The following LMAN2L variants were observed in gnomAD, a reference collection of about 807,000 sequenced individuals.
LMAN2L encodes VIP36-like protein.
Under a neutral mutation model 44.3 loss-of-function variants are expected in LMAN2L, and 30 were observed. The observed-to-expected ratio is 0.68, with a 90% CI of 0.51 to 0.92. The LOEUF (loss-of-function observed/expected upper bound fraction) is 0.92. Ranked by LOEUF, LMAN2L falls within the 40% of genes least tolerant of loss-of-function variation. LMAN2L has a pLI of 0.00. For missense variants in LMAN2L, 429 were observed against 446.1 expected (o/e 0.96, Z 0.35); for synonymous variants, 183 against 171.1 (o/e 1.07, Z -0.54).
chr2:96,718,922 G>A (rs114521547), intron 4 of LMAN2L, among the ~76,000 whole-genome samples: 28 of 152,136 alleles, frequency 1.8e-4, no homozygotes, highest in Non-Finnish European at 3.4e-4. Flanking sequence ...ATATCATCAC[G>A]CTCTCTTAAG....
chr2:96,721,101 T>C (rs2078144280), intron 4 of LMAN2L, among the ~76,000 whole-genome samples: 2 of 151,922 alleles, frequency 1.3e-5, no homozygotes, highest in Admixed American at 6.6e-5. Flanking sequence ...AAAAAAAATC[T>C]CATGCCCACT....
chr2:96,732,166 T>G (rs1269504841), intron 4 of LMAN2L, among the ~76,000 whole-genome samples: 1 of 151,530 alleles, frequency 6.6e-6, no homozygotes, highest in African/African-American at 2.4e-5. Context: ...TAATGTTTTT[T>G]AAGTTTGAAA....
Position 96,737,983 on chromosome 2 carries a change from A to G in LMAN2L, c.272T>C (p.Met91Thr), listed in dbSNP as rs777455138. 7.4e-6 allele frequency: 12 copies of G among 1,613,828 alleles called. No homozygotes were observed. The East Asian group carries it at 1.1e-4, about 15-fold the overall frequency. The change falls in exon 2 of 8, where the codon ATG becomes ACG. Residue 91 changes from methionine (M) to threonine (T), a missense_variant. Met to Thr is a moderately conservative substitution (Grantham distance 81). Coordinates refer to ENST00000264963, the MANE Select transcript of LMAN2L (RefSeq NM_030805.4). The part of the protein sequence containing the change: ...MTQYIRLTPD[M>T]QSKQGALWNR... Reference sequence around the variant, plus strand: ...CCACAAGGCACCCTGTTTACTTTGCATATCTGGGGTAAGGCGGATATACTG... The same window carrying G: ...CCACAAGGCACCCTGTTTACTTTGCGTATCTGGGGTAAGGCGGATATACTG...
At chr2:96,725,113 G>A (rs1237295129) in intron 4 of LMAN2L, among the ~76,000 whole-genome samples, 2 of 151,874 alleles carry the variant, frequency 1.3e-5, no homozygotes, top group Non-Finnish European at 2.9e-5. Flanking sequence ...TTACAGGCGT[G>A]AGCCACAGCG....
intron 4 of LMAN2L, 97 bp downstream of exon 4, chr2:96,733,422 C>A: frequency 1.2e-6 from 1 of 861,970 alleles, no homozygotes; most frequent in Non-Finnish European, 1.9e-6. Flanking sequence ...AAGAACCCCT[C>A]ACTTTCTATC....
Position 96,707,160 on chromosome 2 carries a change from A to T in LMAN2L, c.*96T>A, listed in dbSNP as rs1354741975. On this transcript the variant is annotated 3_prime_UTR_variant, in exon 8 of 8. Coordinates refer to ENST00000264963, the MANE Select transcript of LMAN2L (RefSeq NM_030805.4). ...AATATAGTCCCCAACCAGCTGCTAG[A>T]GACAAGAACACTCTCCAGGCTGCAT... The T allele has an allele frequency of 8.3e-7, 1 of 1,204,106 alleles. No homozygotes were observed. Among genetic ancestry groups the T allele is most frequent in the Admixed American group, 2.3e-5 (1 of 44,348 alleles). 74.6% of individuals were successfully genotyped at this position (1,204,106 alleles called of 1,614,324 possible). A position where few individuals can be genotyped will look rare whatever the true frequency, so the allele number is the denominator to read the frequency against.
intron 6 of LMAN2L, among the ~76,000 whole-genome samples, chr2:96,708,908 CTTTTTTT>C (rs140328524): frequency 1.1e-5 from 1 of 89,248 alleles, no homozygotes; most frequent in Non-Finnish European, 2.1e-5. Context: ...TGAAGTTAGA[CTTTTTTT>C]TTTTTTTTTT....
chr2:96,738,095 A>T, intron 1 of LMAN2L, 28 bp from the exon 2 acceptor site: 1 of 1,463,532 alleles, frequency 6.8e-7, no homozygotes, highest in Non-Finnish European at 9.6e-7. Flanking sequence ...ATCAGTTCAT[A>T]CTTTTCAACA....
chr2:96,709,369 C>G (rs1331669545), intron 6 of LMAN2L, among the ~76,000 whole-genome samples: 1 of 152,188 alleles, frequency 6.6e-6, no homozygotes, highest in Non-Finnish European at 1.5e-5. Context: ...AGATTTCCTA[C>G]CTCAAACCCT....
chr2:96,738,194 T>C, intron 1 of LMAN2L, 127 bp from the exon 2 acceptor site: 3 of 647,532 alleles, frequency 4.6e-6, no homozygotes, highest in Non-Finnish European at 8.2e-6. Context: ...ATCTCCTATC[T>C]TCTCTCAGTC....
intron 1 of LMAN2L, 110 bp downstream of exon 1, chr2:96,739,744 C>G: frequency 8.8e-7 from 1 of 1,140,944 alleles, no homozygotes; most frequent in Middle Eastern, 2.8e-4. Context: ...CCCACCACCG[C>G]CAGCAGTTTC....
chr2:96,710,657 CAT>C (rs1274275005), intron 6 of LMAN2L, among the ~76,000 whole-genome samples: 1 of 138,046 alleles, frequency 7.2e-6, no homozygotes, highest in African/African-American at 2.5e-5. Flanking sequence ...AGCGAGACTC[CAT>C]ATATATATAT....
intron 3 of LMAN2L, among the ~76,000 whole-genome samples, chr2:96,734,027 G>A (rs1488307678): frequency 6.6e-6 from 1 of 152,188 alleles, no homozygotes; most frequent in African/African-American, 2.4e-5. Flanking sequence ...AGCAATAATA[G>A]CTCTAACACA....
chr2:96,738,633 C>T (rs771153708), intron 1 of LMAN2L, among the ~76,000 whole-genome samples: 3 of 152,158 alleles, frequency 2.0e-5, no homozygotes, highest in Admixed American at 6.6e-5. Context: ...CATGATTGTG[C>T]CACTGCACTC....
At chr2:96,718,059 G>A (rs1232615420) in intron 4 of LMAN2L, among the ~76,000 whole-genome samples, 3 of 151,858 alleles carry the variant, frequency 2.0e-5, no homozygotes, top group East Asian at 2.0e-4. Flanking sequence ...GGGTTCAAGC[G>A]ATTCTCCTGC....
Position 96,740,041 on chromosome 2 carries a change from C to T in LMAN2L, c.-1G>A, listed in dbSNP as rs1314428664. 19 of 1,604,032 alleles carry T rather than the reference C, an allele frequency of 1.2e-5. No individual in the cohort carries two copies. The highest frequency in any genetic ancestry group is 5.1e-5 in the Admixed American group (3 of 59,378). On this transcript the variant is annotated 5_prime_UTR_variant, in exon 1 of 8. Coordinates refer to ENST00000264963, the MANE Select transcript of LMAN2L (RefSeq NM_030805.4). ...CAAGGGGTCCCAGAGTCGCCGCCAT[C>T]TTTCCCACCAACGACCCTTCATCAA... is the stretch of plus-strand genomic sequence containing the variant.
intron 4 of LMAN2L, among the ~76,000 whole-genome samples, chr2:96,726,164 T>A (rs536009157): frequency 4.4e-4 from 67 of 151,034 alleles, no homozygotes; most frequent in South Asian, 1.9e-3. Flanking sequence ...TAAACCTTTT[T>A]AATAATATTT....
At chr2:96,734,800 A>G in intron 2 of LMAN2L, 1 of 420,282 alleles carries the variant, frequency 2.4e-6, no homozygotes, top group Non-Finnish European at 4.4e-6. Context: ...AAGTTGGAAA[A>G]GACAAGAGTG....
chr2:96,729,458 C>T (rs1291757163), intron 4 of LMAN2L, among the ~76,000 whole-genome samples: 1 of 151,908 alleles, frequency 6.6e-6, no homozygotes, highest in East Asian at 1.9e-4. Flanking sequence ...TTGCAAAGTA[C>T]CTGGCACACA....
Sources: gnomAD v4.1 joint callset for allele counts (sites outside exome capture counted in the v4.1 genomes callset) on GRCh38, gnomAD v4.1.1 for gene constraint, MANE v1.5 for transcripts, NCBI Gene and HGNC (gene_info 2026-07-23, HGNC 2026-07-21) for gene names.